The following PARD3B variants were observed in gnomAD, a reference collection of about 807,000 sequenced individuals.
PARD3B encodes partitioning defective 3 homolog B.
A neutral mutation model predicts 130.2 loss-of-function variants in PARD3B; 103 were observed. The ratio of observed to expected loss-of-function variants is 0.79; its 90% CI spans 0.67 to 0.93. The LOEUF (loss-of-function observed/expected upper bound fraction) is 0.93, where lower values mean the gene tolerates loss of function less well. PARD3B is among the 40% of genes least tolerant of loss of function. The pLI is 0.00. For synonymous variants in PARD3B, 583 were observed against 553.2 expected (o/e 1.05, Z -0.76); for missense variants, 1,609 against 1,499.2 (o/e 1.07, Z -1.21).
chr2:204,953,999 C>A (rs975252377), intron 2 of PARD3B, among the ~76,000 whole-genome samples: 2 of 152,062 alleles, frequency 1.3e-5, no homozygotes, highest in African/African-American at 2.4e-5. Context: ...GAGGAGGGAG[C>A]GAGGACCCCA....
At chr2:205,113,420 GTGTATTT>G in intron 5 of PARD3B, 64 bp from the exon 6 acceptor site, 1 of 861,080 alleles carries the variant, frequency 1.2e-6, no homozygotes, top group Non-Finnish European at 1.9e-6. Context: ...GTGTGTGTGT[GTGTATTT>G]TAGATGTGCT....
intron 22 of PARD3B, among the ~76,000 whole-genome samples, chr2:205,573,655 A>G (rs2106553479): frequency 6.6e-6 from 1 of 152,368 alleles, no homozygotes; most frequent in South Asian, 2.1e-4. Context: ...AGGTGCCTCC[A>G]AACTGAGGTT....
intron 22 of PARD3B, among the ~76,000 whole-genome samples, chr2:205,571,861 C>G (rs779953586): frequency 1.3e-5 from 2 of 152,144 alleles, no homozygotes; most frequent in Non-Finnish European, 2.9e-5. Flanking sequence ...GATTAGAGTT[C>G]GATTTAGTGC....
chr2:204,912,001 A>AAACT (rs10640478), intron 2 of PARD3B, among the ~76,000 whole-genome samples: 67,994 of 151,710 alleles, frequency 0.45, 17,075 homozygotes, highest in African/African-American at 0.67. Context: ...ATATTTAAAC[A>AAACT]AACATGTTAT....
intron 1 of PARD3B, among the ~76,000 whole-genome samples, chr2:204,646,662 A>T (rs1177593843): frequency 6.6e-6 from 1 of 151,954 alleles, no homozygotes; most frequent in East Asian, 1.9e-4. Flanking sequence ...GGTTATATTC[A>T]TTTTCCACTT....
In PARD3B at chr2:205,428,284, A is replaced by G. The variant is rs188833712; in HGVS notation, c.2742-12086A>G. Among the ~76,000 whole-genome samples the G allele has an allele frequency of 3.8e-3, 574 of 152,236 alleles. 4 individuals are homozygous for G. The highest frequency in any genetic ancestry group is 0.013 in the African/African-American group (530 of 41,564). ...AGTCCCAGCTACTCAGGAGGCTGAGATGGGAGGATTGCTTGAGCCCAGGAG... is the reference window on the plus strand; with the variant it reads ...AGTCCCAGCTACTCAGGAGGCTGAGGTGGGAGGATTGCTTGAGCCCAGGAG... On this transcript the variant is annotated intron_variant, in intron 19 of 22. Transcript: ENST00000406610.
At chr2:205,486,072 G>C (rs2049430248) in intron 20 of PARD3B, among the ~76,000 whole-genome samples, 1 of 152,178 alleles carries the variant, frequency 6.6e-6, no homozygotes, top group African/African-American at 2.4e-5. Context: ...TTATGAATAA[G>C]TAAAGCTTAA....
chr2:205,487,022 A>G (rs2049470822), intron 20 of PARD3B, among the ~76,000 whole-genome samples: 1 of 152,212 alleles, frequency 6.6e-6, no homozygotes, highest in Non-Finnish European at 1.5e-5. Flanking sequence ...AATACTGCGT[A>G]TATAATTCTG....
At chr2:204,692,408 A>T (rs78029692) in intron 2 of PARD3B, among the ~76,000 whole-genome samples, 1 of 151,974 alleles carries the variant, frequency 6.6e-6, no homozygotes, top group African/African-American at 2.4e-5. Context: ...GCTGGTGGTG[A>T]TGAAGTGTGT....
chr2:205,383,138 A>AGATAGATAGATCGATC (rs955641992), intron 18 of PARD3B, among the ~76,000 whole-genome samples: 29 of 138,542 alleles, frequency 2.1e-4, no homozygotes, highest in African/African-American at 4.8e-4. Flanking sequence ...ATAGATAGAT[A>AGATAGATAGATCGATC]GATCGATCTA....
At chr2:204,940,080 C>T (rs533967005) in intron 2 of PARD3B, among the ~76,000 whole-genome samples, 2 of 152,220 alleles carry the variant, frequency 1.3e-5, no homozygotes, top group South Asian at 2.1e-4. Flanking sequence ...GAGAGCTTAC[C>T]GGACTCTGGA....
chr2:205,381,013 G>GAATATATATAATATAAA (rs2045393619), intron 18 of PARD3B, among the ~76,000 whole-genome samples: 1 of 34,118 alleles, frequency 2.9e-5, no homozygotes, highest in Non-Finnish European at 5.9e-5. Context: ...ATAATATAAA[G>GAATATATATAATATAAA]AATATATATG....
chr2:205,127,417 C>A (rs1425582065), intron 10 of PARD3B, among the ~76,000 whole-genome samples: 1 of 151,880 alleles, frequency 6.6e-6, no homozygotes, highest in Non-Finnish European at 1.5e-5. Context: ...TCCTTTGAAT[C>A]TGTATAAGAA....
intron 2 of PARD3B, among the ~76,000 whole-genome samples, chr2:204,728,673 CT>C (rs2039348267): frequency 6.6e-6 from 1 of 152,172 alleles, no homozygotes; most frequent in African/African-American, 2.4e-5. Flanking sequence ...TTGTTACTGT[CT>C]TCCCTATTTT....
rs866655678 is a variant in PARD3B, at chr2:204,647,080, G to A, written c.121-39101G>A. ...ATTGCTTTTACACCATCGTAAAGTC[G>A]AAGAGTTTTAAGTTAAACCACTGTA... On this transcript the variant is annotated intron_variant, in intron 1 of 22. Transcript: ENST00000406610. 2.6e-5 allele frequency among the ~76,000 whole-genome samples: 4 copies of A among 151,852 alleles called. No individual in the cohort carries two copies. In the East Asian group the frequency reaches 7.7e-4, roughly 29 times the overall value.
At chr2:204,552,002 G>A (rs2030500155) in intron 1 of PARD3B, among the ~76,000 whole-genome samples, 1 of 152,194 alleles carries the variant, frequency 6.6e-6, no homozygotes, top group Non-Finnish European at 1.5e-5. Context: ...TTGTTAAGTA[G>A]TTGAAATGTG....
chr2:204,812,723 T>A (rs1405937643), intron 2 of PARD3B, among the ~76,000 whole-genome samples: 2 of 152,192 alleles, frequency 1.3e-5, no homozygotes, highest in Non-Finnish European at 2.9e-5. Context: ...GTGCACGTGC[T>A]ACAGCCCACT....
intron 20 of PARD3B, among the ~76,000 whole-genome samples, chr2:205,479,328 C>T (rs1406707886): frequency 1.3e-5 from 2 of 152,266 alleles, no homozygotes; most frequent in East Asian, 3.9e-4. Context: ...ATTTATTGAA[C>T]ACATCCTAGG....
intron 1 of PARD3B, among the ~76,000 whole-genome samples, chr2:204,632,337 C>T (rs1217853692): frequency 6.6e-6 from 1 of 152,138 alleles, no homozygotes; most frequent in Non-Finnish European, 1.5e-5. Context: ...TCAGGCAGTT[C>T]TTTACAGCAG....
Sources: gnomAD v4.1 joint callset for allele counts (sites outside exome capture counted in the v4.1 genomes callset) on GRCh38, gnomAD v4.1.1 for gene constraint, MANE v1.5 for transcripts, NCBI Gene and HGNC (gene_info 2026-07-23, HGNC 2026-07-21) for gene names.